The following ULK4 variants were observed in gnomAD, a reference collection of about 807,000 sequenced individuals.
ULK4 encodes unc-51 like kinase 4.
A neutral mutation model predicts 160.6 loss-of-function variants in ULK4; 133 were observed. That is an observed-to-expected ratio of 0.83 (90% CI 0.72 to 0.96). The LOEUF (loss-of-function observed/expected upper bound fraction) is 0.96. ULK4 is among the 40% of genes least tolerant of loss of function. The pLI, the probability that ULK4 is intolerant of heterozygous loss-of-function variation, is 0.00. For synonymous variants in ULK4, 534 were observed against 539.8 expected (o/e 0.99, Z 0.15); for missense variants, 1,580 against 1,499.5 (o/e 1.05, Z -0.89).
chr3:41,588,202 C>T (rs1035223226), intron 31 of ULK4, among the ~76,000 whole-genome samples: 2 of 152,056 alleles, frequency 1.3e-5, no homozygotes, highest in Admixed American at 1.3e-4. Flanking sequence ...GAGCAAAAAG[C>T]AGGAGAAACA....
At chr3:41,699,842 G>GT (rs2036613460) in intron 27 of ULK4, among the ~76,000 whole-genome samples, 1 of 152,164 alleles carries the variant, frequency 6.6e-6, no homozygotes, top group South Asian at 2.1e-4. Flanking sequence ...TATGAAGCCA[G>GT]TAAGTTGCAA....
chr3:41,389,101 G>A (rs2081892727), intron 35 of ULK4, among the ~76,000 whole-genome samples: 1 of 151,980 alleles, frequency 6.6e-6, no homozygotes, highest in African/African-American at 2.4e-5. Context: ...ATCCCTTGTA[G>A]GCTGGATTCC....
chr3:41,724,497 G>T (rs887666725), intron 22 of ULK4, among the ~76,000 whole-genome samples: 9 of 152,112 alleles, frequency 5.9e-5, no homozygotes, highest in Non-Finnish European at 1.0e-4. Flanking sequence ...GGCCGAGGCG[G>T]GTGGATCATG....
At chr3:41,740,371 A>T (rs2125879162) in intron 22 of ULK4, among the ~76,000 whole-genome samples, 1 of 152,036 alleles carries the variant, frequency 6.6e-6, no homozygotes, top group South Asian at 2.1e-4. Flanking sequence ...AGCCACTGAC[A>T]TTTCAGCTCA....
chr3:41,832,455 G>A (rs1349622121), intron 18 of ULK4, among the ~76,000 whole-genome samples: 2 of 152,098 alleles, frequency 1.3e-5, no homozygotes, highest in African/African-American at 4.8e-5. Context: ...TGTCAGATGG[G>A]TAGATTGCAA....
intron 34 of ULK4, among the ~76,000 whole-genome samples, chr3:41,424,419 C>A (rs1480815674): frequency 6.6e-6 from 1 of 151,970 alleles, no homozygotes; most frequent in Admixed American, 6.6e-5. Context: ...CCAGAAGGAC[C>A]AAAAGTGCTT....
Position 41,789,766 on chromosome 3 carries a change from T to C in ULK4, c.2088A>G (p.Ile696Met). 2 of 1,613,908 alleles carry C rather than the reference T, an allele frequency of 1.2e-6. No individual in the cohort carries two copies. The highest frequency in any genetic ancestry group is 1.7e-6 in the Non-Finnish European group (2 of 1,179,890). ...VIEKVGLNSVINSLASAICKV... is the reference protein window; with the variant it reads ...VIEKVGLNSVMNSLASAICKV... ...TGCAGATGGCAGAGGCCAGGGAGTT[T>C]ATTACTGAGTTCAGTCCCACCTTTT... Residue 696 changes from isoleucine (I) to methionine (M), a missense_variant, in exon 21 of 37, where the codon ATA (isoleucine) becomes ATG (methionine). By Grantham distance (10) the Ile-to-Met change is conservative. Coordinates refer to ENST00000301831, the MANE Select transcript of ULK4 (RefSeq NM_017886.4).
chr3:41,708,864 TTCA>T (rs1255168151), intron 25 of ULK4, among the ~76,000 whole-genome samples: 1 of 152,214 alleles, frequency 6.6e-6, no homozygotes, highest in African/African-American at 2.4e-5. Flanking sequence ...ACAATTCTTA[TTCA>T]TCAATTTAAA....
intron 27 of ULK4, among the ~76,000 whole-genome samples, chr3:41,694,722 A>T (rs893215969): frequency 1.3e-5 from 2 of 152,220 alleles, no homozygotes; most frequent in South Asian, 4.1e-4. Flanking sequence ...TATAATATCT[A>T]ATGCAATGTA....
chr3:41,715,638 C>A (rs1239814372), intron 23 of ULK4, 70 bp from the exon 24 acceptor site: 1 of 1,593,192 alleles, frequency 6.3e-7, no homozygotes, highest in African/African-American at 1.3e-5. Context: ...CTGGTCATTG[C>A]TTGAATACCC....
intron 21 of ULK4, among the ~76,000 whole-genome samples, chr3:41,772,048 A>T (rs896448179): frequency 2.6e-5 from 4 of 152,196 alleles, no homozygotes; most frequent in Non-Finnish European, 4.4e-5. Flanking sequence ...TTTATACCAG[A>T]ATCTCTGGGA....
intron 30 of ULK4, among the ~76,000 whole-genome samples, chr3:41,633,161 C>T (rs1321210375): frequency 6.6e-6 from 1 of 152,238 alleles, no homozygotes; most frequent in Non-Finnish European, 1.5e-5. Context: ...GTTAGTCATG[C>T]TGAGTTGCTT....
At chr3:41,649,547 C>T (rs2089164903) in intron 30 of ULK4, among the ~76,000 whole-genome samples, 2 of 152,188 alleles carry the variant, frequency 1.3e-5, no homozygotes, top group South Asian at 2.1e-4. Context: ...CGGTTGTGGC[C>T]GAGCCTGGGC....
chr3:41,544,247 T>C (rs1255386601), intron 32 of ULK4, among the ~76,000 whole-genome samples: 1 of 152,242 alleles, frequency 6.6e-6, no homozygotes, highest in Non-Finnish European at 1.5e-5. Flanking sequence ...ATAAAGTCTA[T>C]ATTCCCTGTA....
chr3:41,665,737 T>C (rs564779610), intron 29 of ULK4, among the ~76,000 whole-genome samples: 2 of 152,294 alleles, frequency 1.3e-5, no homozygotes, highest in Admixed American at 1.3e-4. Flanking sequence ...TGATAAAATC[T>C]AACGTCTACT....
At chr3:41,531,553 A>C (rs2060473634) in intron 32 of ULK4, among the ~76,000 whole-genome samples, 1 of 152,102 alleles carries the variant, frequency 6.6e-6, no homozygotes, top group Non-Finnish European at 1.5e-5. Context: ...CATCCTTCTC[A>C]TCAACAGTTA....
chr3:41,414,899 G>T (rs887463447), intron 34 of ULK4, among the ~76,000 whole-genome samples: 3 of 152,020 alleles, frequency 2.0e-5, no homozygotes, highest in African/African-American at 7.2e-5. Flanking sequence ...TTTAAATGTG[G>T]GAATTTAGAA....
intron 17 of ULK4, among the ~76,000 whole-genome samples, chr3:41,865,494 G>A (rs1464552638): frequency 6.6e-6 from 1 of 151,752 alleles, no homozygotes; most frequent in African/African-American, 2.4e-5. Flanking sequence ...CTCCTTCACA[G>A]AACACACACC....
intron 11 of ULK4, among the ~76,000 whole-genome samples, chr3:41,908,373 TC>T (rs1698654199): frequency 1.3e-5 from 2 of 152,200 alleles, no homozygotes; most frequent in African/African-American, 4.8e-5. Flanking sequence ...TAATGATTCT[TC>T]CTACACATAT....
Sources: gnomAD v4.1 joint callset for allele counts (sites outside exome capture counted in the v4.1 genomes callset) on GRCh38, gnomAD v4.1.1 for gene constraint, MANE v1.5 for transcripts, NCBI Gene and HGNC (gene_info 2026-07-23, HGNC 2026-07-21) for gene names.